CDH4: variants seen among roughly 807,000 people sequenced by gnomAD.
CDH4 encodes the protein cadherin-4.
In CDH4, 33 loss-of-function variants were observed where a neutral mutation model predicts 86.0. The observed-to-expected ratio is 0.38, with a 90% confidence interval of 0.29 to 0.51. The LOEUF (loss-of-function observed/expected upper bound fraction) is 0.51, where lower values mean the gene tolerates loss of function less well. Ranked by LOEUF, CDH4 falls within the 20% of genes least tolerant of loss-of-function variation. The probability of loss-of-function intolerance (pLI) is 0.86; values close to 1 mark genes in which losing one functional copy is unlikely to be tolerated. For synonymous variants in CDH4, 555 were observed against 549.4 expected (o/e 1.01, Z -0.14); for missense variants, 1,114 against 1,307.4 (o/e 0.85, Z 2.28).
chr20:61,648,153 T>C (rs1161202246), intron 2 of CDH4, among the ~76,000 whole-genome samples: 2 of 152,070 alleles, frequency 1.3e-5, no homozygotes, highest in South Asian at 2.1e-4. Context: ...ACACCATCGA[T>C]TGAGTATTGC....
intron 2 of CDH4, among the ~76,000 whole-genome samples, chr20:61,593,779 T>C (rs1190041699): frequency 1.3e-5 from 2 of 151,706 alleles, no homozygotes; most frequent in Non-Finnish European, 2.9e-5. Context: ...TTCTTGGACA[T>C]AGTAGAACCC....
intron 11 of CDH4, among the ~76,000 whole-genome samples, chr20:61,925,008 C>G (rs183639805): frequency 6.6e-6 from 1 of 152,180 alleles, no homozygotes; most frequent in Non-Finnish European, 1.5e-5. Context: ...CTCTGACCAC[C>G]CACGGCACAG....
intron 2 of CDH4, among the ~76,000 whole-genome samples, chr20:61,694,303 G>A (rs1380019481): frequency 2.0e-5 from 3 of 152,116 alleles, no homozygotes; most frequent in East Asian, 1.9e-4. Flanking sequence ...AGGCACTGCT[G>A]TTTCTACTCC....
chr20:61,606,060 C>T (rs1309076930), intron 2 of CDH4, among the ~76,000 whole-genome samples: 3 of 152,116 alleles, frequency 2.0e-5, no homozygotes, highest in Non-Finnish European at 2.9e-5. Context: ...ACACATGGGC[C>T]CAGGGTGCCT....
chr20:61,473,177 G>T (rs1339244105), intron 2 of CDH4, among the ~76,000 whole-genome samples: 1 of 152,150 alleles, frequency 6.6e-6, no homozygotes, highest in Non-Finnish European at 1.5e-5. Context: ...AGATATAATA[G>T]GTCAAAATAA....
chr20:61,368,160 C>T (rs749846837), intron 2 of CDH4, among the ~76,000 whole-genome samples: 6 of 152,098 alleles, frequency 3.9e-5, no homozygotes, highest in Non-Finnish European at 7.4e-5. Flanking sequence ...TGAGCCGCTG[C>T]GCCCGGCCTC....
intron 1 of CDH4, 108 bp from the exon 2 acceptor site, chr20:61,254,718 C>T: frequency 1.3e-6 from 1 of 762,588 alleles, no homozygotes. Flanking sequence ...GCCTGCCAGC[C>T]TTTCTCTCTT....
At chr20:61,488,858 A>C (rs1297113143) in intron 2 of CDH4, among the ~76,000 whole-genome samples, 1 of 152,240 alleles carries the variant, frequency 6.6e-6, no homozygotes, top group Non-Finnish European at 1.5e-5. Flanking sequence ...GTATGTCCTC[A>C]GATCAGCCCC....
chr20:61,691,418 TGTG>T (rs1259595833), intron 2 of CDH4, among the ~76,000 whole-genome samples: 2 of 151,798 alleles, frequency 1.3e-5, no homozygotes, highest in African/African-American at 2.4e-5. Context: ...GATGTGTGGA[TGTG>T]TGTGTGCGTG....
In CDH4 at chr20:61,565,284, GGGTGA is replaced by G. The variant is rs1311117394; in HGVS notation, c.170-178278_170-178274del. Among the ~76,000 whole-genome samples the G allele has an allele frequency of 3.2e-4, 31 of 97,750 alleles. 1 individual carries two copies. Among genetic ancestry groups the G allele is most frequent in the African/African-American group, 6.8e-4 (16 of 23,448 alleles). 64.1% of individuals were successfully genotyped at this position (97,750 alleles called of 152,430 possible). A position where few individuals can be genotyped will look rare whatever the true frequency, so the allele number is the denominator to read the frequency against. On this transcript the variant is annotated intron_variant, in intron 2 of 15. Transcript: ENST00000614565. ...GGTGGTGGTGGTCCTCTTGGTGATG[GGGTGA>G]TGGTGGTGGCGGTGCTCTTGGTGGT...
intron 2 of CDH4, among the ~76,000 whole-genome samples, chr20:61,628,396 C>A (rs936776227): frequency 6.6e-6 from 1 of 152,214 alleles, no homozygotes. Flanking sequence ...CTGCCTGCAG[C>A]TGGCTTCCCC....
At chr20:61,659,082 T>C (rs983265675) in intron 2 of CDH4, among the ~76,000 whole-genome samples, 3 of 152,142 alleles carry the variant, frequency 2.0e-5, no homozygotes, top group Non-Finnish European at 4.4e-5. Context: ...CACTAAACTG[T>C]TCACGGTCGT....
chr20:61,350,938 C>T (rs933154770), intron 2 of CDH4, among the ~76,000 whole-genome samples: 4 of 151,988 alleles, frequency 2.6e-5, no homozygotes, highest in Non-Finnish European at 4.4e-5. Flanking sequence ...AATACAGAGA[C>T]CATCGCTCTA....
In CDH4 at chr20:61,879,269, G is replaced by A. The variant is rs1984178260; in HGVS notation, c.1050+5369G>A. ...GTCTGGCTTGGCGTATCAGAGAAGAGCACACATCGGGACCATTTCTCCACC... is the reference window on the plus strand; with the variant it reads ...GTCTGGCTTGGCGTATCAGAGAAGAACACACATCGGGACCATTTCTCCACC... On this transcript the variant is annotated intron_variant, in intron 7 of 15. Coordinates refer to ENST00000614565, the MANE Select transcript of CDH4 (RefSeq NM_001794.5). This position sits in a 1 kb window ranked among gnomAD's most constrained non-coding sequence, Gnocchi z 4.1. 6.6e-6 allele frequency among the ~76,000 whole-genome samples: 1 copy of A among 152,242 alleles called. No homozygotes were observed. The highest frequency in any genetic ancestry group is 2.4e-5 in the African/African-American group (1 of 41,470).
chr20:61,926,432 G>C (rs533556137), intron 11 of CDH4, among the ~76,000 whole-genome samples: 193 of 152,346 alleles, frequency 1.3e-3, no homozygotes, highest in Admixed American at 2.1e-3. Context: ...AGCCAGCGCT[G>C]CCTCCCCTGC....
At chr20:61,523,853 TACCAAAAA>T (rs1471213974) in intron 2 of CDH4, among the ~76,000 whole-genome samples, 2 of 152,206 alleles carry the variant, frequency 1.3e-5, no homozygotes, top group Non-Finnish European at 2.9e-5. Context: ...AGTTTTTCTT[TACCAAAAA>T]AGTCAAATTA....
At chr20:61,299,683 G>A (rs1225453723) in intron 2 of CDH4, among the ~76,000 whole-genome samples, 2 of 152,240 alleles carry the variant, frequency 1.3e-5, no homozygotes, top group Non-Finnish European at 2.9e-5. Context: ...CAGGACCCTG[G>A]AACCCCATGC....
Position 61,879,815 on chromosome 20 carries a change from C to T in CDH4, c.1050+5915C>T, listed in dbSNP as rs1424580136. 2.6e-5 allele frequency among the ~76,000 whole-genome samples: 4 copies of T among 152,158 alleles called. No homozygotes were observed. Among genetic ancestry groups the T allele is most frequent in the Admixed American group, 1.3e-4 (2 of 15,274 alleles). ...AGCACCGGGCCAGCATTGTTCTCAG[C>T]GTCCCTTCCAGGCTGCTCCCGAGGA... On this transcript the variant is annotated intron_variant, in intron 7 of 15. Coordinates refer to ENST00000614565, the MANE Select transcript of CDH4 (RefSeq NM_001794.5). The surrounding 1 kb of genome is among the most constrained non-coding windows in gnomAD (Gnocchi z 4.1).
chr20:61,382,157 T>TGTG (rs1224263447), intron 2 of CDH4, among the ~76,000 whole-genome samples: 1 of 152,224 alleles, frequency 6.6e-6, no homozygotes, highest in Non-Finnish European at 1.5e-5. Flanking sequence ...ACCTGATACC[T>TGTG]GTGGCATCAT....
Sources: allele counts gnomAD v4.1 joint callset (sites outside exome capture counted in the v4.1 genomes callset), GRCh38; gene constraint gnomAD v4.1.1; non-coding constraint Gnocchi (gnomAD v3.1); transcripts MANE v1.5; gene names NCBI Gene and HGNC (gene_info 2026-07-23, HGNC 2026-07-21).